DISP1: variants seen among roughly 807,000 people sequenced by gnomAD.
DISP1 encodes the protein dispatched RND transporter family member 1.
Under a neutral mutation model 37.3 loss-of-function variants are expected in DISP1, and 30 were observed. The ratio of observed to expected loss-of-function variants is 0.80; its 90% CI spans 0.60 to 1.09. The LOEUF is 1.09. DISP1 is among the 50% of genes least tolerant of loss of function. The pLI is 0.00. For synonymous variants in DISP1, 634 were observed against 690.2 expected (o/e 0.92, Z 1.28); for missense variants, 1,598 against 1,879.5 (o/e 0.85, Z 2.77).
rs763882525 is a variant in DISP1, at chr1:222,990,683, A to G, written c.598A>G (p.Ile200Val). ...VVVLGMCTMF[I>V]VVCALVGVLV... The stretch of plus-strand genomic sequence containing the variant: ...GGTCTTGGGCATGTGCACCATGTTC[A>G]TCGTAGTCTGTGCCTTGGTTGGAGT... Residue 200 changes from isoleucine (I) to valine (V), a missense_variant, in exon 5 of 9, where the codon ATC (isoleucine) becomes GTC (valine). Coordinates refer to ENST00000675850, the MANE Select transcript of DISP1 (RefSeq NM_001377229.1). 1.2e-6 allele frequency: 2 copies of G among 1,614,016 alleles called. No homozygotes were observed. The highest frequency in any genetic ancestry group is 1.3e-5 in the African/African-American group (1 of 74,926).
chr1:222,874,936 T>C (rs1669872603), intron 1 of DISP1, among the ~76,000 whole-genome samples: 1 of 152,178 alleles, frequency 6.6e-6, no homozygotes, highest in South Asian at 2.1e-4. Flanking sequence ...CATGGGTTTT[T>C]GGTGTTCTTA....
intron 1 of DISP1, among the ~76,000 whole-genome samples, chr1:222,815,634 C>T (rs1661010601): frequency 6.6e-6 from 1 of 151,798 alleles, no homozygotes; most frequent in Non-Finnish European, 1.5e-5. Context: ...AAATATATCC[C>T]GCTCCGCGCG....
In DISP1 at chr1:223,005,743, G is replaced by C. The variant is rs1273219315; in HGVS notation, c.4346G>C (p.Ser1449Thr). The change falls in exon 9 of 9, where the codon AGT becomes ACT. Residue 1449 changes from serine to threonine, a missense_variant. Ser to Thr is a moderately conservative substitution (Grantham distance 58). Coordinates refer to ENST00000675850, the MANE Select transcript of DISP1 (RefSeq NM_001377229.1). ...VELSLSQTDA[S>T]VNSEHFNQNE... ...CTGAGCTTGTCACAGACGGATGCAA[G>C]TGTGAACTCAGAACATTTCAATCAG... 1.2e-6 allele frequency: 2 copies of C among 1,614,172 alleles called. No homozygotes were observed. The highest frequency in any genetic ancestry group is 1.7e-6 in the Non-Finnish European group (2 of 1,180,040).
rs67660273 is a variant in DISP1 at position 222,984,435 on chromosome 1, T to TATATATATATAGAG, written c.539+1327_539+1328insTATATATATAGAGA. Among the ~76,000 whole-genome samples the TATATATATATAGAG allele has an allele frequency of 1.0e-3, 112 of 108,368 alleles. 1 individual carries two copies. Among genetic ancestry groups the TATATATATATAGAG allele is most frequent in the Non-Finnish European group, 1.7e-3 (94 of 56,184 alleles). The allele number at this position is 108,368 out of a possible 152,430, so 71.1% of individuals were successfully genotyped here. A position where few individuals can be genotyped will look rare whatever the true frequency, so the allele number is the denominator to read the frequency against. ...AAAAAAAAAAAAATATATATATATA[T>TATATATATATAGAG]AGAGAGAGAGAGAGAGAGAGAGAGC... On this transcript the variant is annotated intron_variant, in intron 4 of 8. Transcript: ENST00000675850.
chr1:223,004,655 T>A lies in DISP1; in HGVS notation c.3258T>A (p.Ala1086=). The A allele has an allele frequency of 1.2e-6, 2 of 1,614,152 alleles. No homozygotes were observed. Among genetic ancestry groups the A allele is most frequent in the Non-Finnish European group, 1.7e-6 (2 of 1,180,046 alleles). ...LSRVGSAMAM[A]ALTTFVAGAM... Reference sequence around the variant, plus strand: ...GCGTGGGCTCTGCGATGGCCATGGCTGCCCTGACCACCTTCGTGGCAGGGG... The same window carrying A: ...GCGTGGGCTCTGCGATGGCCATGGCAGCCCTGACCACCTTCGTGGCAGGGG... The change falls in exon 9 of 9, where the codon GCT becomes GCA. Residue 1086 remains alanine, a synonymous_variant. Coordinates refer to ENST00000675850, the MANE Select transcript of DISP1 (RefSeq NM_001377229.1). This position sits in a 1 kb window ranked among gnomAD's most constrained non-coding sequence, Gnocchi z 4.9.
chr1:222,886,332 G>C (rs1166806288), intron 1 of DISP1, among the ~76,000 whole-genome samples: 1 of 152,196 alleles, frequency 6.6e-6, no homozygotes, highest in African/African-American at 2.4e-5. Flanking sequence ...TACCACACCT[G>C]TTAGTTTGCA....
intron 2 of DISP1, among the ~76,000 whole-genome samples, chr1:222,933,029 AC>A (rs1473074747): frequency 6.6e-6 from 1 of 151,954 alleles, no homozygotes; most frequent in South Asian, 2.1e-4. Context: ...TGTTTCTACA[AC>A]CCTGAAATTT....
chr1:222,942,364 C>A (rs990742535), intron 2 of DISP1, among the ~76,000 whole-genome samples: 1 of 152,120 alleles, frequency 6.6e-6, no homozygotes, highest in Non-Finnish European at 1.5e-5. Context: ...TAACCTTGTA[C>A]AATGAATTAC....
At chr1:222,902,063 CT>C (rs1671618687) in intron 1 of DISP1, among the ~76,000 whole-genome samples, 2 of 151,738 alleles carry the variant, frequency 1.3e-5, no homozygotes, top group Non-Finnish European at 2.9e-5. Context: ...CTTTATTAGT[CT>C]TGCTAGCGGT....
At chr1:222,909,162 A>ATT (rs1672074379) in intron 1 of DISP1, among the ~76,000 whole-genome samples, 1 of 152,128 alleles carries the variant, frequency 6.6e-6, no homozygotes, top group Non-Finnish European at 1.5e-5. Context: ...ATTAAATTAT[A>ATT]TTGTATATAT....
At chr1:222,866,890 C>CT (rs1382433562) in intron 1 of DISP1, among the ~76,000 whole-genome samples, 14 of 152,106 alleles carry the variant, frequency 9.2e-5, no homozygotes, top group Non-Finnish European at 1.8e-4. Flanking sequence ...ATACATCAAT[C>CT]TTTTAAAAGA....
intron 7 of DISP1, 22 bp from the exon 8 acceptor site, chr1:222,994,863 C>T (rs1558076224): frequency 3.6e-6 from 5 of 1,393,904 alleles, no homozygotes; most frequent in Non-Finnish European, 3.0e-6. Context: ...TTTTTCTTTC[C>T]TTTTTTTTTT....
chr1:222,925,122 G>A (rs143010822), intron 1 of DISP1, among the ~76,000 whole-genome samples: 4 of 152,200 alleles, frequency 2.6e-5, no homozygotes, highest in African/African-American at 7.2e-5. Flanking sequence ...TGTGTCCCAT[G>A]TGACAATACC....
intron 1 of DISP1, among the ~76,000 whole-genome samples, chr1:222,828,060 C>G (rs969540725): frequency 6.6e-6 from 1 of 152,128 alleles, no homozygotes; most frequent in African/African-American, 2.4e-5. Context: ...GTATAGTGTA[C>G]TTGCATGTTA....
At chr1:222,989,291 TACTGAGAA>T (rs1678513729) in intron 4 of DISP1, 1 of 829,280 alleles carries the variant, frequency 1.2e-6, no homozygotes, top group African/African-American at 1.8e-5. Flanking sequence ...GAGCTAACAT[TACTGAGAA>T]TTTGAGAGTA....
intron 1 of DISP1, among the ~76,000 whole-genome samples, chr1:222,844,103 C>A (rs1318436268): frequency 6.6e-6 from 1 of 152,126 alleles, no homozygotes; most frequent in African/African-American, 2.4e-5. Context: ...CCTAAAATCT[C>A]ATCATATCAG....
intron 7 of DISP1, among the ~76,000 whole-genome samples, chr1:222,993,364 A>G (rs1678840381): frequency 6.6e-6 from 1 of 152,212 alleles, no homozygotes; most frequent in Non-Finnish European, 1.5e-5. Context: ...GGAATTGTGG[A>G]TAGTATAATT....
chr1:222,984,435 T>TAGAGAGAGAGAGAGAG (rs369654102), intron 4 of DISP1, among the ~76,000 whole-genome samples: 7 of 108,398 alleles, frequency 6.5e-5, no homozygotes, highest in African/African-American at 1.5e-4. Flanking sequence ...TATATATATA[T>TAGAGAGAGAGAGAGAG]AGAGAGAGAG....
chr1:222,922,537 A>G (rs1672863220), intron 1 of DISP1, among the ~76,000 whole-genome samples: 1 of 152,198 alleles, frequency 6.6e-6, no homozygotes, highest in Admixed American at 6.5e-5. Context: ...CTGGTGTTCA[A>G]TAAATACATA....
Sources: gnomAD v4.1 joint callset for allele counts (sites outside exome capture counted in the v4.1 genomes callset) on GRCh38, gnomAD v4.1.1 for gene constraint, Gnocchi (gnomAD v3.1) non-coding constraint, MANE v1.5 for transcripts, NCBI Gene and HGNC (gene_info 2026-07-23, HGNC 2026-07-21) for gene names.